Variants in PHC2 observed in about 807,000 individuals in gnomAD.
The protein encoded by PHC2 is polyhomeotic homolog 2.
PHC2 carries 29 observed loss-of-function variants against 87.4 expected under a neutral mutation model. That is an observed-to-expected ratio of 0.33 (90% confidence interval 0.25 to 0.45). PHC2 has a LOEUF of 0.45. PHC2 is among the 20% of genes least tolerant of loss of function. The pLI, the probability that PHC2 is intolerant of heterozygous loss-of-function variation, is 1.00. For missense variants in PHC2, 857 were observed against 1,136.7 expected, an observed-to-expected ratio of 0.75 and a Z score of 3.54; for synonymous variants, 438 against 461.7, an observed-to-expected ratio of 0.95 and a Z score of 0.66.
intron 1 of PHC2, among the ~76,000 whole-genome samples, chr1:33,422,048 A>C (rs1041986071): frequency 2.6e-5 from 4 of 152,030 alleles, no homozygotes; most frequent in Non-Finnish European, 4.4e-5. Context: ...GACCCTCCTC[A>C]AATGTTCTGC....
intron 1 of PHC2, among the ~76,000 whole-genome samples, chr1:33,430,518 C>T (rs1650866822): frequency 6.6e-6 from 1 of 152,092 alleles, no homozygotes; most frequent in Admixed American, 6.5e-5. Context: ...GCGGGACAAG[C>T]GGAGCAGGCG....
At chr1:33,335,316 A>G (rs1646605407) in intron 9 of PHC2, 5 of 985,224 alleles carry the variant, frequency 5.1e-6, no homozygotes, top group South Asian at 4.7e-5. Flanking sequence ...CTCTACCACC[A>G]TCAACTGCCC....
chr1:33,428,459 ACT>A (rs1650772141), intron 1 of PHC2, among the ~76,000 whole-genome samples: 1 of 152,196 alleles, frequency 6.6e-6, no homozygotes, highest in African/African-American at 2.4e-5. Context: ...TTTGCCAAAA[ACT>A]CACCATAATC....
chr1:33,355,150 C>T lies in PHC2; in HGVS notation c.1080G>A (p.Gln360=), dbSNP rs1308168103. The change falls in exon 8 of 15, where the codon CAG becomes CAA. Residue 360 remains glutamine, a synonymous_variant. Coordinates refer to ENST00000683057, the MANE Select transcript of PHC2 (RefSeq NM_001385109.1). ...IQQQPQPQQQ[Q]PPPQQSRPVL... ...CAGGCCGTGACTGCTGGGGCGGCGG[C>T]TGCTGCTGTTGTGGCTGTGGCTGCT... 3 of 1,608,546 alleles carry T rather than the reference C, an allele frequency of 1.9e-6. No homozygotes were observed. The highest frequency in any genetic ancestry group is 2.2e-5 in the South Asian group (2 of 90,490).
chr1:33,356,847 T>C (rs1467110040), intron 7 of PHC2, among the ~76,000 whole-genome samples: 1 of 151,908 alleles, frequency 6.6e-6, no homozygotes, highest in Admixed American at 6.5e-5. Flanking sequence ...GAGAGGCTCC[T>C]CACTTCCCAG....
chr1:33,424,648 T>C (rs1329264870), intron 1 of PHC2, among the ~76,000 whole-genome samples: 1 of 152,242 alleles, frequency 6.6e-6, no homozygotes, highest in Non-Finnish European at 1.5e-5. Flanking sequence ...TTGAATGTAA[T>C]TATCTTCAGT....
intron 14 of PHC2, chr1:33,325,838 C>T (rs1402920354): frequency 1.8e-5 from 8 of 456,176 alleles, no homozygotes; most frequent in East Asian, 6.9e-5. Context: ...TAGATGTGGG[C>T]GTGGCCTCAG....
At position 33,364,103 on chromosome 1, in the gene PHC2, A is replaced by T. The variant is rs2148311010; in HGVS notation, c.976+3013T>A. On this transcript the variant is annotated intron_variant, in intron 7 of 14. Transcript: ENST00000683057. This position sits in a 1 kb window ranked among gnomAD's most constrained non-coding sequence, Gnocchi z 4.1. ...GGTGACAGGAGCAGGAACAGCAGGG[A>T]GCTTGCCATGGGGGAGGGGCTTTGC... Among the ~76,000 whole-genome samples the T allele has an allele frequency of 1.3e-5, 2 of 151,940 alleles. No homozygotes were observed. The highest frequency in any genetic ancestry group is 4.8e-5 in the African/African-American group (2 of 41,462).
intron 1 of PHC2, among the ~76,000 whole-genome samples, chr1:33,412,057 T>C (rs1186717669): frequency 6.6e-6 from 1 of 152,192 alleles, no homozygotes; most frequent in Non-Finnish European, 1.5e-5. Context: ...GGCCATTCAA[T>C]TGTCTATTCA....
At chr1:33,379,466 C>A (rs1157969898) in intron 1 of PHC2, among the ~76,000 whole-genome samples, 1 of 36,224 alleles carries the variant, frequency 2.8e-5, no homozygotes, top group Admixed American at 2.3e-4. Context: ...CCCCCACCAT[C>A]CCCCCACCCA....
rs1648541185 is a variant in PHC2 at position 33,382,514 on chromosome 1, G to A, written c.-54-6921C>T. Among the ~76,000 whole-genome samples the A allele has an allele frequency of 6.6e-6, 1 of 151,940 alleles. No individual in the cohort carries two copies. Among genetic ancestry groups the A allele is most frequent in the African/African-American group, 2.4e-5 (1 of 41,332 alleles). On this transcript the variant is annotated intron_variant, in intron 1 of 14. Transcript: ENST00000683057. This position sits in a 1 kb window ranked among gnomAD's most constrained non-coding sequence, Gnocchi z 4.3. ...CTGCGGACTCCCATTATAAATCACAGCCAAATCTCATTAATGGCTAACATC... is the reference window on the plus strand; with the variant it reads ...CTGCGGACTCCCATTATAAATCACAACCAAATCTCATTAATGGCTAACATC...
At chr1:33,416,599 A>G (rs1167268540) in intron 1 of PHC2, among the ~76,000 whole-genome samples, 1 of 151,060 alleles carries the variant, frequency 6.6e-6, no homozygotes, top group Non-Finnish European at 1.5e-5. Context: ...AAAAAAAAAA[A>G]AAAAGAATTA....
chr1:33,406,129 T>C (rs558596551), intron 1 of PHC2, among the ~76,000 whole-genome samples: 2 of 152,198 alleles, frequency 1.3e-5, no homozygotes, highest in South Asian at 4.1e-4. Flanking sequence ...GTCTTTTTCC[T>C]TAGAGTTGTG....
intron 1 of PHC2, among the ~76,000 whole-genome samples, chr1:33,417,631 C>G (rs1410624284): frequency 6.6e-6 from 1 of 151,994 alleles, no homozygotes; most frequent in African/African-American, 2.4e-5. Flanking sequence ...ACAAGTAAAG[C>G]AAGAACTGAT....
Position 33,349,729 on chromosome 1 carries a change from G to T in PHC2, c.1558+4672C>A, listed in dbSNP as rs975114097. 28 of 995,366 alleles carry T rather than the reference G, an allele frequency of 2.8e-5. No individual in the cohort carries two copies. Among genetic ancestry groups the T allele is most frequent in the Non-Finnish European group, 3.2e-5 (27 of 835,346 alleles). The allele number at this position is 995,366 out of a possible 1,614,324, so 61.7% of individuals were successfully genotyped here. On this transcript the variant is annotated intron_variant, in intron 9 of 14. Coordinates refer to ENST00000683057, the MANE Select transcript of PHC2 (RefSeq NM_001385109.1). The surrounding 1 kb of genome is among the most constrained non-coding windows in gnomAD (Gnocchi z 4.2). ...GGGAGCCTCCGAGCCGGGGCCCGGG[G>T]CTGCCGCGGCGCATCCGACCGCACC...
chr1:33,358,407 T>C (rs1026523483), intron 7 of PHC2, among the ~76,000 whole-genome samples: 1 of 152,176 alleles, frequency 6.6e-6, no homozygotes, highest in Non-Finnish European at 1.5e-5. Context: ...AATCAATTTA[T>C]AGATCAGAGA....
intron 1 of PHC2, among the ~76,000 whole-genome samples, chr1:33,421,087 C>T (rs1650418476): frequency 6.6e-6 from 1 of 152,032 alleles, no homozygotes. Context: ...ATAAACACTA[C>T]CGTTTCTAAT....
At position 33,370,605 on chromosome 1, in the gene PHC2, C is replaced by T. The variant is rs746543059; in HGVS notation, c.412-20G>A. 2.6e-5 allele frequency: 42 copies of T among 1,602,364 alleles called. No homozygotes were observed. The highest frequency in any genetic ancestry group is 1.0e-4 in the Admixed American group (6 of 59,200). ...GTTGATCTAATGAGAGAGACATGTG[C>T]GGTAGGAGATAGGAGGTTCTGTTGG... On this transcript the variant is annotated intron_variant, in intron 4 of 14. Coordinates refer to ENST00000683057, the MANE Select transcript of PHC2 (RefSeq NM_001385109.1).
chr1:33,419,794 A>G (rs1163084117), intron 1 of PHC2, among the ~76,000 whole-genome samples: 1 of 152,112 alleles, frequency 6.6e-6, no homozygotes, highest in Non-Finnish European at 1.5e-5. Context: ...TATTTTTAGT[A>G]GAGACGGGGT....
Sources: gnomAD v4.1 joint callset for allele counts (sites outside exome capture counted in the v4.1 genomes callset) on GRCh38, gnomAD v4.1.1 for gene constraint, Gnocchi (gnomAD v3.1) non-coding constraint, MANE v1.5 for transcripts, NCBI Gene and HGNC (gene_info 2026-07-23, HGNC 2026-07-21) for gene names.